Variants in TSHZ2 observed in about 807,000 individuals in gnomAD.
The protein encoded by TSHZ2 is teashirt homolog 2.
A neutral mutation model predicts 74.4 loss-of-function variants in TSHZ2; 21 were observed. That is an observed-to-expected ratio of 0.28 (90% confidence interval 0.20 to 0.41). The LOEUF (loss-of-function observed/expected upper bound fraction) is 0.41, where lower values mean the gene tolerates loss of function less well. Ranked by LOEUF, TSHZ2 falls within the 10% of genes least tolerant of loss-of-function variation. The pLI is 1.00. For synonymous variants in TSHZ2, 540 were observed against 515.3 expected, an observed-to-expected ratio of 1.05 and a Z score of -0.65; for missense variants, 1,244 against 1,293.5, an observed-to-expected ratio of 0.96 and a Z score of 0.59.
chr20:53,359,313 T>A (rs1434817998), intron 2 of TSHZ2, among the ~76,000 whole-genome samples: 1 of 152,174 alleles, frequency 6.6e-6, no homozygotes, highest in Non-Finnish European at 1.5e-5. Context: ...TGCTGTGTGA[T>A]CTTAGCCAAG....
chr20:53,253,802 C>T lies in TSHZ2; in HGVS notation c.344C>T (p.Pro115Leu). 6.2e-7 allele frequency: 1 copy of T among 1,614,174 alleles called. No individual in the cohort carries two copies. Residue 115 changes from proline (P) to leucine (L), a missense_variant, in exon 2 of 3, where the codon CCA becomes CTA. Transcript: ENST00000371497. ...DKKAHTHVRL[P>L]NEAHNCMDKM... ...AAAGCACACACTCACGTCAGGCTTCCAAACGAAGCACACAATTGCATGGAT... is the reference window on the plus strand; with the variant it reads ...AAAGCACACACTCACGTCAGGCTTCTAAACGAAGCACACAATTGCATGGAT...
At position 53,125,234 on chromosome 20, in the gene TSHZ2, T is replaced by C. The variant is rs116173001; in HGVS notation, c.41-128265T>C. 4.2e-3 allele frequency among the ~76,000 whole-genome samples: 635 copies of C among 152,332 alleles called. 4 individuals are homozygous for C. Among genetic ancestry groups the C allele is most frequent in the African/African-American group, 0.014 (585 of 41,564 alleles). ...AATGGTTTATATTATTGCTAATTAT[T>C]AATAATTACAAAGAGATATTGTGAA... On this transcript the variant is annotated intron_variant, in intron 1 of 2. Coordinates refer to ENST00000371497, the MANE Select transcript of TSHZ2 (RefSeq NM_173485.6).
At chr20:53,005,316 G>GTAAATAAATAAA (rs34102349) in intron 1 of TSHZ2, among the ~76,000 whole-genome samples, 4 of 151,834 alleles carry the variant, frequency 2.6e-5, no homozygotes, top group Admixed American at 6.6e-5. Context: ...TGTCTCAAAA[G>GTAAATAAATAAA]TAAATAAATA....
At chr20:53,250,273 G>A (rs1199310777) in intron 1 of TSHZ2, among the ~76,000 whole-genome samples, 3 of 152,112 alleles carry the variant, frequency 2.0e-5, no homozygotes, top group Non-Finnish European at 2.9e-5. Context: ...GTATTCATAA[G>A]AGTAAACTTG....
Position 53,254,096 on chromosome 20 carries a change from G to T in TSHZ2, c.638G>T (p.Ser213Ile). The T allele has an allele frequency of 2.5e-6, 4 of 1,614,110 alleles. No individual in the cohort carries two copies. The highest frequency in any genetic ancestry group is 3.4e-6 in the Non-Finnish European group (4 of 1,180,034). ...KMCGTVFTGA[S>I]RFRCRQCSAA... The stretch of plus-strand genomic sequence containing the variant: ...TGCGGGACTGTGTTCACAGGGGCCA[G>T]CAGATTCCGATGCCGACAGTGCAGC... Residue 213 changes from serine (S) to isoleucine (I), a missense_variant, in exon 2 of 3, where the codon AGC becomes ATC. Ser to Ile is a moderately radical substitution (Grantham distance 142). Coordinates refer to ENST00000371497, the MANE Select transcript of TSHZ2 (RefSeq NM_173485.6).
intron 2 of TSHZ2, among the ~76,000 whole-genome samples, chr20:53,438,625 TC>T (rs1416310055): frequency 2.6e-5 from 4 of 152,030 alleles, no homozygotes; most frequent in Non-Finnish European, 4.4e-5. Context: ...CCCTATGGGA[TC>T]CCCTGACCTA....
intron 2 of TSHZ2, among the ~76,000 whole-genome samples, chr20:53,266,968 G>T (rs945481573): frequency 6.6e-6 from 1 of 152,122 alleles, no homozygotes; most frequent in Admixed American, 6.5e-5. Context: ...AGTACAGAAG[G>T]TGTTTCACCA....
chr20:53,108,845 A>T, intron 1 of TSHZ2, among the ~76,000 whole-genome samples: 1 of 152,218 alleles, frequency 6.6e-6, no homozygotes, highest in East Asian at 1.9e-4. Flanking sequence ...CAGGCTGCTG[A>T]GTCTCTACCT....
At chr20:53,211,970 A>G (rs1420594214) in intron 1 of TSHZ2, among the ~76,000 whole-genome samples, 1 of 152,182 alleles carries the variant, frequency 6.6e-6, no homozygotes, top group African/African-American at 2.4e-5. Context: ...GGGTCCATGA[A>G]GACAAAACTG....
chr20:53,249,443 A>G (rs1006956959), intron 1 of TSHZ2, among the ~76,000 whole-genome samples: 1 of 152,220 alleles, frequency 6.6e-6, no homozygotes, highest in Non-Finnish European at 1.5e-5. Context: ...ACATCAATCA[A>G]TAAACAAATG....
At chr20:53,154,881 CATT>C (rs1409665384) in intron 1 of TSHZ2, among the ~76,000 whole-genome samples, 2 of 152,070 alleles carry the variant, frequency 1.3e-5, no homozygotes, top group African/African-American at 4.8e-5. Flanking sequence ...ATGCCATCAT[CATT>C]ATCATTATTG....
At chr20:53,166,218 A>C (rs1600720620) in intron 1 of TSHZ2, among the ~76,000 whole-genome samples, 1 of 152,188 alleles carries the variant, frequency 6.6e-6, no homozygotes, top group African/African-American at 2.4e-5. Flanking sequence ...CAGTTTCAAC[A>C]TATTCTATTA....
intron 2 of TSHZ2, among the ~76,000 whole-genome samples, chr20:53,314,156 T>C (rs1387882666): frequency 1.3e-5 from 2 of 151,964 alleles, no homozygotes; most frequent in Non-Finnish European, 2.9e-5. Context: ...GATGTGGTGA[T>C]GGGTGCCTAT....
chr20:53,278,605 G>T (rs1990990740), intron 2 of TSHZ2, among the ~76,000 whole-genome samples: 1 of 152,094 alleles, frequency 6.6e-6, no homozygotes, highest in Non-Finnish European at 1.5e-5. Flanking sequence ...ATCACAATAA[G>T]CTAACATTTC....
chr20:53,398,649 A>G (rs1982543609), intron 2 of TSHZ2: 1 of 152,254 alleles, frequency 6.6e-6, no homozygotes. Context: ...GCTACTCAGG[A>G]GGCTGAGGTG....
chr20:53,388,601 T>C (rs1357971922), intron 2 of TSHZ2, among the ~76,000 whole-genome samples: 1 of 151,200 alleles, frequency 6.6e-6, no homozygotes, highest in African/African-American at 2.4e-5. Flanking sequence ...TTCTTTTTTT[T>C]TTTTTTTCTT....
chr20:53,067,547 A>G (rs912097095), intron 1 of TSHZ2, among the ~76,000 whole-genome samples: 2 of 152,164 alleles, frequency 1.3e-5, no homozygotes, highest in Admixed American at 1.3e-4. Context: ...AAAAATATAC[A>G]TTTAGCAAAT....
chr20:53,290,665 T>C (rs918210626), intron 2 of TSHZ2, among the ~76,000 whole-genome samples: 3 of 152,182 alleles, frequency 2.0e-5, no homozygotes, highest in Non-Finnish European at 4.4e-5. Flanking sequence ...TATTATTGGT[T>C]TCATTATGGG....
At chr20:53,373,744 T>C (rs1272594266) in intron 2 of TSHZ2, among the ~76,000 whole-genome samples, 1 of 152,200 alleles carries the variant, frequency 6.6e-6, no homozygotes, top group African/African-American at 2.4e-5. Flanking sequence ...ATGAGGTTTT[T>C]ATAAAGTCAG....
Sources: gnomAD v4.1 joint callset for allele counts (sites outside exome capture counted in the v4.1 genomes callset) on GRCh38, gnomAD v4.1.1 for gene constraint, MANE v1.5 for transcripts, NCBI Gene and HGNC (gene_info 2026-07-23, HGNC 2026-07-21) for gene names.